ARHGEF26: variants seen among roughly 807,000 people sequenced by gnomAD.
ARHGEF26 encodes the protein Rho guanine nucleotide exchange factor 26, also known as Rho guanine nucleotide exchange factor (GEF) 26.
A neutral mutation model predicts 89.4 loss-of-function variants in ARHGEF26; 59 were observed. That is an observed-to-expected ratio of 0.66 (90% CI 0.54 to 0.82). The LOEUF (loss-of-function observed/expected upper bound fraction) is 0.82, where lower values mean the gene tolerates loss of function less well. ARHGEF26 is among the 40% of genes least tolerant of loss of function. The pLI, the probability that ARHGEF26 is intolerant of heterozygous loss-of-function variation, is 0.00. For missense variants in ARHGEF26, 1,234 were observed against 1,085.6 expected (o/e 1.14, Z -1.92); for synonymous variants, 500 against 428.4 (o/e 1.17, Z -2.06).
intron 12 of ARHGEF26, among the ~76,000 whole-genome samples, chr3:154,246,227 C>A: frequency 6.6e-6 from 1 of 152,100 alleles, no homozygotes; most frequent in East Asian, 1.9e-4. Context: ...TAGGAAAATG[C>A]AGAGTCAGAA....
chr3:154,163,949 TACCC>T (rs1387375688), intron 6 of ARHGEF26, among the ~76,000 whole-genome samples: 1 of 152,094 alleles, frequency 6.6e-6, no homozygotes, highest in Non-Finnish European at 1.5e-5. Context: ...ATTAAAAAAA[TACCC>T]AAATAACATA....
chr3:154,223,665 T>A (rs1251977031), intron 10 of ARHGEF26, among the ~76,000 whole-genome samples: 1 of 152,150 alleles, frequency 6.6e-6, no homozygotes, highest in African/African-American at 2.4e-5. Context: ...GAAAGTAGAT[T>A]AGTGGTTGCC....
chr3:154,208,256 C>T (rs892243484), intron 9 of ARHGEF26, among the ~76,000 whole-genome samples: 3 of 152,080 alleles, frequency 2.0e-5, no homozygotes, highest in South Asian at 2.1e-4. Flanking sequence ...CTAAAATAAA[C>T]GTTGGAAATA....
intron 6 of ARHGEF26, chr3:154,187,142 G>A (rs913847790): frequency 2.8e-6 from 2 of 713,560 alleles, no homozygotes; most frequent in East Asian, 1.3e-4. Context: ...CACCCGCTTC[G>A]GCCTCCCAGA....
intron 11 of ARHGEF26, among the ~76,000 whole-genome samples, chr3:154,233,388 AAC>A (rs989820479): frequency 8.1e-4 from 124 of 152,344 alleles, no homozygotes; most frequent in African/African-American, 2.6e-3. Context: ...GTTCCATTTA[AAC>A]ACACGATCAA....
intron 4 of ARHGEF26, among the ~76,000 whole-genome samples, chr3:154,134,196 C>T (rs1175890034): frequency 6.6e-6 from 1 of 152,050 alleles, no homozygotes; most frequent in African/African-American, 2.4e-5. Context: ...TTCTTTCTTC[C>T]TTTCTTTCTC....
intron 11 of ARHGEF26, among the ~76,000 whole-genome samples, chr3:154,229,298 C>G (rs1716691841): frequency 6.6e-6 from 1 of 152,136 alleles, no homozygotes; most frequent in African/African-American, 2.4e-5. Context: ...TGCAGCCTCA[C>G]ACTCCTGGGC....
intron 9 of ARHGEF26, among the ~76,000 whole-genome samples, chr3:154,217,141 A>C (rs1161171575): frequency 6.6e-6 from 1 of 151,712 alleles, no homozygotes; most frequent in Non-Finnish European, 1.5e-5. Flanking sequence ...ACTAGTTTAC[A>C]GTCCCACCAA....
At chr3:154,168,236 A>G (rs1234880540) in intron 6 of ARHGEF26, among the ~76,000 whole-genome samples, 2 of 151,890 alleles carry the variant, frequency 1.3e-5, no homozygotes, top group Non-Finnish European at 2.9e-5. Context: ...TTTATAGGAA[A>G]GGGTGGTTCA....
chr3:154,164,369 T>C (rs1486480642), intron 6 of ARHGEF26, among the ~76,000 whole-genome samples: 1 of 152,076 alleles, frequency 6.6e-6, no homozygotes, highest in Admixed American at 6.6e-5. Flanking sequence ...ATGTAAGCCT[T>C]GTTTTTTAAT....
At chr3:154,221,026 G>A (rs1716091239) in intron 10 of ARHGEF26, among the ~76,000 whole-genome samples, 1 of 152,130 alleles carries the variant, frequency 6.6e-6, no homozygotes, top group South Asian at 2.1e-4. Flanking sequence ...ACTACCAGAA[G>A]CTGGGGGAGA....
intron 12 of ARHGEF26, among the ~76,000 whole-genome samples, chr3:154,246,800 A>G (rs1717825702): frequency 6.6e-6 from 1 of 152,232 alleles, no homozygotes; most frequent in African/African-American, 2.4e-5. Flanking sequence ...AACAGGACCA[A>G]CTGATGGATT....
intron 9 of ARHGEF26, among the ~76,000 whole-genome samples, chr3:154,199,500 A>G (rs1177337792): frequency 6.6e-6 from 1 of 152,150 alleles, no homozygotes; most frequent in South Asian, 2.1e-4. Flanking sequence ...GATCTTAGCT[A>G]TTGTAAACAG....
intron 4 of ARHGEF26, among the ~76,000 whole-genome samples, chr3:154,148,310 T>C: frequency 6.6e-6 from 1 of 152,250 alleles, no homozygotes; most frequent in East Asian, 1.9e-4. Flanking sequence ...ACTATAATTT[T>C]GTTAGTTCCT....
intron 4 of ARHGEF26, among the ~76,000 whole-genome samples, chr3:154,133,603 T>G (rs973518296): frequency 2.0e-5 from 3 of 152,018 alleles, no homozygotes; most frequent in Non-Finnish European, 1.5e-5. Flanking sequence ...TGCTGTTTGG[T>G]TACTGTAGCC....
intron 11 of ARHGEF26, among the ~76,000 whole-genome samples, chr3:154,233,126 C>A (rs958198209): frequency 6.6e-6 from 1 of 152,042 alleles, no homozygotes; most frequent in African/African-American, 2.4e-5. Flanking sequence ...CCACTGCATC[C>A]AGCCTAGAAT....
intron 9 of ARHGEF26, among the ~76,000 whole-genome samples, chr3:154,213,239 G>A (rs368927039): frequency 1.2e-3 from 157 of 129,976 alleles, no homozygotes; most frequent in African/African-American, 3.5e-3. Flanking sequence ...GTGTGTGTGT[G>A]TGTATATATA....
intron 9 of ARHGEF26, among the ~76,000 whole-genome samples, chr3:154,200,162 A>G (rs1264098580): frequency 1.3e-5 from 2 of 152,106 alleles, no homozygotes; most frequent in Non-Finnish European, 2.9e-5. Flanking sequence ...ATTCTCCCCA[A>G]TATTTTCTTG....
chr3:154,132,248 A>G (rs1718723656), intron 4 of ARHGEF26, among the ~76,000 whole-genome samples: 1 of 152,176 alleles, frequency 6.6e-6, no homozygotes, highest in Admixed American at 6.5e-5. Context: ...AAGTTAATCA[A>G]TTTCTGTGTA....
Sources: allele counts gnomAD v4.1 joint callset (sites outside exome capture counted in the v4.1 genomes callset), GRCh38; gene constraint gnomAD v4.1.1; transcripts MANE v1.5; gene names NCBI Gene and HGNC (gene_info 2026-07-23, HGNC 2026-07-21).